Variants in TRPM1 observed in about 807,000 individuals in gnomAD.
TRPM1 encodes TRPM1-203 APA Isoform, Intron 10.
TRPM1 carries 113 observed loss-of-function variants against 149.4 expected under a neutral mutation model. The ratio of observed to expected loss-of-function variants is 0.76; its 90% confidence interval spans 0.65 to 0.88. The LOEUF is 0.88. Among genes scored for constraint, TRPM1 ranks in the 40% least tolerant of loss-of-function variants. The probability of loss-of-function intolerance (pLI) is 0.00; values close to 1 mark genes in which losing one functional copy is unlikely to be tolerated. For missense variants in TRPM1, 1,976 were observed against 2,038.7 expected, an observed-to-expected ratio of 0.97 and a Z score of 0.59; for synonymous variants, 741 against 759.5, an observed-to-expected ratio of 0.98 and a Z score of 0.40.
At chr15:31,033,118 G>T (rs954903788) in intron 21 of TRPM1, 178 bp from the exon 22 acceptor site, 126 of 796,314 alleles carry the variant, frequency 1.6e-4, no homozygotes, top group East Asian at 1.3e-3. Flanking sequence ...GAAATTCCAC[G>T]GAATCCTCCC....
rs1340484010 is a variant in TRPM1, at chr15:31,063,143, C to G, written c.940G>C (p.Ala314Pro). 1 of 1,614,228 alleles carries G rather than the reference C, an allele frequency of 6.2e-7. No individual in the cohort carries two copies. The highest frequency in any genetic ancestry group is 8.5e-7 in the Non-Finnish European group (1 of 1,180,042). ...CCGCCTTCTTCACAGTACTTGTGCG[C>G]AAAGGACAGGATGTCCGAGGCACGT... The part of the protein sequence containing the change: ...SGRASDILSF[A>P]HKYCEEGGII... Residue 314 changes from alanine (A) to proline (P), a missense_variant, in exon 8 of 28, where the codon GCG (alanine) becomes CCG (proline). Ala to Pro is a conservative substitution (Grantham distance 27). Transcript: ENST00000256552.
chr15:31,149,254 G>A (rs2036261446), intron 1 of TRPM1, among the ~76,000 whole-genome samples: 1 of 152,174 alleles, frequency 6.6e-6, no homozygotes, highest in South Asian at 2.1e-4. Context: ...GGACCCCTGA[G>A]AGTTTACCCT....
chr15:31,160,533 T>C (rs992542459), intron 1 of TRPM1, among the ~76,000 whole-genome samples: 1 of 152,112 alleles, frequency 6.6e-6, no homozygotes, highest in Admixed American at 6.5e-5. Flanking sequence ...GAGGGTGAGC[T>C]TGAGTCCAGC....
chr15:31,026,249 C>A lies in TRPM1; in HGVS notation c.3519G>T (p.Glu1173Asp). 4.3e-6 allele frequency: 7 copies of A among 1,611,622 alleles called. No homozygotes were observed. The highest frequency in any genetic ancestry group is 5.1e-6 in the Non-Finnish European group (6 of 1,180,026). ...RGLKLFLSDE[E>D]LKRLHEFEEQ... is the part of the protein sequence containing the mutation. ...CCTCGAACTCATGCAGCCTCTTTAGCTCCTCGTCGCTAAGGAAGAGCTCTG... is the reference window on the plus strand; with the variant it reads ...CCTCGAACTCATGCAGCCTCTTTAGATCCTCGTCGCTAAGGAAGAGCTCTG... The change falls in exon 27 of 28, where the codon GAG (glutamate) becomes GAT (aspartate). Residue 1173 changes from glutamate (E) to aspartate (D), a missense_variant. By Grantham distance (45) the Glu-to-Asp change is conservative. Around this residue, in one of 3 missense-constraint regions of TRPM1, gnomAD observed 572 missense variants for 578.9 expected, o/e 0.99. Transcript: ENST00000256552.
chr15:31,065,821 G>A (rs1266285978), intron 7 of TRPM1, among the ~76,000 whole-genome samples: 1 of 152,194 alleles, frequency 6.6e-6, no homozygotes, highest in African/African-American at 2.4e-5. Flanking sequence ...GGGTGGGCAA[G>A]GCCATCACCA....
In TRPM1 at chr15:31,002,670, T is replaced by C; in HGVS notation, c.4030A>G (p.Asn1344Asp). 6.2e-7 allele frequency: 1 copy of C among 1,614,218 alleles called. No homozygotes were observed. The highest frequency in any genetic ancestry group is 1.1e-5 in the South Asian group (1 of 91,088). Residue 1344 changes from asparagine (N) to aspartate (D), a missense_variant, in exon 28 of 28, where the codon AAC becomes GAC. By Grantham distance (23) the Asn-to-Asp change is conservative (BLOSUM62 1). Around this residue, in one of 3 missense-constraint regions of TRPM1, gnomAD observed 572 missense variants for 578.9 expected, o/e 0.99. Transcript: ENST00000256552. ...GTGCCCAGTGAAAGGTGAAGACTGT[T>C]CTGACATTCTGGGACTAGGTGCGTT... ...VKTHLVPECQ[N>D]SLHLSLGTST...
chr15:31,048,131 T>A (rs2033833830), intron 13 of TRPM1, among the ~76,000 whole-genome samples, 192 bp from the exon 14 acceptor site: 3 of 152,108 alleles, frequency 2.0e-5, no homozygotes, highest in Non-Finnish European at 4.4e-5. Context: ...GGCGTGGTGG[T>A]GGGCACCTGT....
chr15:31,118,530 T>G (rs1423394533), intron 1 of TRPM1, among the ~76,000 whole-genome samples: 1 of 151,872 alleles, frequency 6.6e-6, no homozygotes, highest in African/African-American at 2.4e-5. Context: ...ACAAGATGGC[T>G]TAGTCAGTTT....
chr15:31,145,330 A>C (rs781135360), intron 1 of TRPM1, among the ~76,000 whole-genome samples: 4 of 152,196 alleles, frequency 2.6e-5, no homozygotes, highest in Non-Finnish European at 5.9e-5. Context: ...AGAAGACTCC[A>C]TGTCATAATG....
At chr15:31,051,588 G>A (rs1044385736) in intron 11 of TRPM1, among the ~76,000 whole-genome samples, 4 of 152,158 alleles carry the variant, frequency 2.6e-5, no homozygotes, top group Non-Finnish European at 5.9e-5. Flanking sequence ...CCTCTTCCCT[G>A]TCTGGCCACT....
chr15:31,080,184 T>C (rs1238092145), intron 2 of TRPM1, among the ~76,000 whole-genome samples: 3 of 152,332 alleles, frequency 2.0e-5, no homozygotes, highest in East Asian at 3.9e-4. Flanking sequence ...CAATCACCAT[T>C]TGGCAACCAT....
intron 7 of TRPM1, among the ~76,000 whole-genome samples, chr15:31,063,966 T>C (rs2140958026): frequency 6.6e-6 from 1 of 152,112 alleles, no homozygotes; most frequent in South Asian, 2.1e-4. Context: ...TGGTCTGAAA[T>C]TCCCACCCTG....
Position 31,070,326 on chromosome 15 carries a change from C to T in TRPM1, c.84-100G>A, listed in dbSNP as rs546148483. ...CCTCAACAGGTGAGTTGGGCCCAAA[C>T]AGGAGCCTACTAACACTTCAGTAAG... On this transcript the variant is annotated intron_variant, in intron 3 of 27. Coordinates refer to ENST00000256552, the MANE Select transcript of TRPM1 (RefSeq NM_001252024.2). 1,058 of 1,142,164 alleles carry T rather than the reference C, an allele frequency of 9.3e-4. 9 individuals carry two copies. The highest frequency in any genetic ancestry group is 1.1e-3 in the Non-Finnish European group (843 of 761,360). The allele number at this position is 1,142,164 out of a possible 1,614,324, so 70.8% of individuals were successfully genotyped here.
At chr15:31,140,576 G>A (rs1596098316) in intron 1 of TRPM1, among the ~76,000 whole-genome samples, 1 of 152,078 alleles carries the variant, frequency 6.6e-6, no homozygotes, top group East Asian at 1.9e-4. Flanking sequence ...AAAGAGTCTG[G>A]TACCTTCTCC....
chr15:31,132,682 CTG>C (rs1327999387), intron 1 of TRPM1, among the ~76,000 whole-genome samples: 3 of 152,182 alleles, frequency 2.0e-5, no homozygotes, highest in Non-Finnish European at 2.9e-5. Flanking sequence ...TATGGTTCAG[CTG>C]TGTCCCCACC....
At chr15:31,104,520 C>T (rs117207836), upstream of TRPM1, among the ~76,000 whole-genome samples, 272 of 151,292 alleles carry the variant, frequency 1.8e-3, no homozygotes, top group East Asian at 7.4e-3. Context: ...TTTGCAATGC[C>T]GGCGGACTTT....
At chr15:31,154,222 TC>T (rs2036339349) in intron 1 of TRPM1, among the ~76,000 whole-genome samples, 2 of 152,232 alleles carry the variant, frequency 1.3e-5, no homozygotes, top group African/African-American at 4.8e-5. Flanking sequence ...GTACAGGTCT[TC>T]AATGGATTGA....
At chr15:31,104,749 A>G (rs899328394), upstream of TRPM1, among the ~76,000 whole-genome samples, 1 of 151,844 alleles carries the variant, frequency 6.6e-6, no homozygotes, top group South Asian at 2.1e-4. Context: ...GCCTGCCACC[A>G]CGCCCGGCCA....
At chr15:31,158,975 C>T (rs1308299368) in intron 1 of TRPM1, among the ~76,000 whole-genome samples, 16 of 152,082 alleles carry the variant, frequency 1.1e-4, no homozygotes, top group Admixed American at 1.0e-3. Flanking sequence ...GAATGCCTAA[C>T]TTTCTGAGAA....
Sources: allele counts gnomAD v4.1 joint callset (sites outside exome capture counted in the v4.1 genomes callset), GRCh38; gene constraint gnomAD v4.1.1; regional missense constraint gnomAD v4.1.1; transcripts MANE v1.5; gene names NCBI Gene and HGNC (gene_info 2026-07-23, HGNC 2026-07-21).